Variants in SEPHS2 observed in about 807,000 individuals in gnomAD.
The protein encoded by SEPHS2 is selenophosphate synthetase 2, also known as selenide, water dikinase 2.
SEPHS2 carries 11 observed loss-of-function variants against 23.9 expected under a neutral mutation model. The observed-to-expected ratio is 0.46, with a 90% confidence interval of 0.29 to 0.76. The LOEUF (loss-of-function observed/expected upper bound fraction) is 0.76. Among genes scored for constraint, SEPHS2 ranks in the 30% least tolerant of loss-of-function variants. The pLI is 0.10. For synonymous variants in SEPHS2, 239 were observed against 247.5 expected (o/e 0.97, Z 0.32); for missense variants, 541 against 592.5 (o/e 0.91, Z 0.90).
In SEPHS2 at chr16:30,444,130, A is replaced by T; in HGVS notation, c.*251T>A. 2.8e-6 allele frequency: 1 copy of T among 356,138 alleles called. No individual in the cohort carries two copies. Among genetic ancestry groups the T allele is most frequent in the East Asian group, 4.3e-5 (1 of 23,094 alleles). The allele number at this position is 356,138 out of a possible 1,614,324, so 22.1% of individuals were successfully genotyped here. On this transcript the variant is annotated 3_prime_UTR_variant, in exon 1 of 1. Transcript: ENST00000478753. The surrounding 1 kb of genome is among the most constrained non-coding windows in gnomAD (Gnocchi z 4.0). ...AGCTTCATCTTACTTTGGCAAGAGA[A>T]AACAGAGGTATTTTTGCTCCTCTTC...
Position 30,444,742 on chromosome 16 carries a change from A to C in SEPHS2, c.986T>G (p.Leu329Arg). Residue 329 changes from leucine to arginine, a missense_variant, in exon 1 of 1, where the codon CTT (leucine) becomes CGT (arginine). Around this residue, in one of 3 missense-constraint regions of SEPHS2, gnomAD observed 224 missense variants for 237.4 expected, o/e 0.94. Transcript: ENST00000478753. The surrounding 1 kb of genome is among the most constrained non-coding windows in gnomAD (Gnocchi z 4.0). ...GFGILGHSQN[L>R]AKQQRNEVSF... Reference sequence around the variant, plus strand: ...CACTTCATTTCTTTGTTGTTTTGCAAGGTTCTGGGAGTGTCCTAGAATGCC... The same window carrying C: ...CACTTCATTTCTTTGTTGTTTTGCACGGTTCTGGGAGTGTCCTAGAATGCC... 4 of 1,601,020 alleles carry C rather than the reference A, an allele frequency of 2.5e-6. No individual in the cohort carries two copies. The highest frequency in any genetic ancestry group is 2.6e-6 in the Non-Finnish European group (3 of 1,171,888).
chr16:30,445,355 G>C lies in SEPHS2; in HGVS notation c.373C>G (p.Pro125Ala), dbSNP rs751905786. ...LGIGMDSCVI[P>A]LRHGGLSLVQ... is the part of the protein sequence containing the mutation. ...AGTGACAGGCCCCCGTGCCTCAGGG[G>C]GATGACGCAGGAGTCCATCCCGATG... The change falls in exon 1 of 1, where the codon CCC becomes GCC. Residue 125 changes from proline (P) to alanine (A), a missense_variant. Physicochemically the swap from Pro to Ala is conservative, Grantham distance 27. Coordinates refer to ENST00000478753, the MANE Select transcript of SEPHS2 (RefSeq NM_012248.4). 2 of 1,611,896 alleles carry C rather than the reference G, an allele frequency of 1.2e-6. No individual in the cohort carries two copies. Among genetic ancestry groups the C allele is most frequent in the Non-Finnish European group, 1.7e-6 (2 of 1,179,070 alleles).
In SEPHS2 at chr16:30,445,059, G is replaced by A. The variant is rs1484917153; in HGVS notation, c.669C>T (p.Ile223=). The change falls in exon 1 of 1, where the codon ATC becomes ATT. Residue 223 remains isoleucine (I), a synonymous_variant. Coordinates refer to ENST00000478753, the MANE Select transcript of SEPHS2 (RefSeq NM_012248.4). ...GGCATACTACAGTGGCAACTCCACCGATTATAATCCAAGGGTTGACCACCG... is the reference window on the plus strand; with the variant it reads ...GGCATACTACAGTGGCAACTCCACCAATTATAATCCAAGGGTTGACCACCG... The part of the protein sequence containing the change: ...GQTVVNPWII[I]GGVATVVCQP... 2.5e-6 allele frequency: 4 copies of A among 1,592,432 alleles called. No homozygotes were observed. Among genetic ancestry groups the A allele is most frequent in the East Asian group, 4.5e-5 (2 of 44,736 alleles).
Position 30,445,258 on chromosome 16 carries a change from T to C in SEPHS2, c.470A>G (p.Asn157Ser), listed in dbSNP as rs376948016. The C allele has an allele frequency of 1.3e-5, 21 of 1,614,114 alleles. No individual in the cohort carries two copies. The highest frequency in any genetic ancestry group is 8.9e-5 in the East Asian group (4 of 44,892). The change falls in exon 1 of 1, where the codon AAC becomes AGC. Residue 157 changes from asparagine (N) to serine (S), a missense_variant. Transcript: ENST00000478753. ...PYMMGRIACA[N>S]VLSDLYAMGI... The stretch of plus-strand genomic sequence containing the variant: ...CATGGCGTAGAGGTCACTCAGCACG[T>C]TGGCACAAGCTATGCGCCCCATCAT...
In SEPHS2 at chr16:30,445,377, G is replaced by A. The variant is rs753185531; in HGVS notation, c.351C>T (p.Ile117=). Residue 117 remains isoleucine, a synonymous_variant, in exon 1 of 1, where the codon ATC becomes ATT. Transcript: ENST00000478753. Reference sequence around the variant, plus strand: ...GGGGGATGACGCAGGAGTCCATCCCGATGCCCAGGGCTGGAAAGGTGGGGC... The same window carrying A: ...GGGGGATGACGCAGGAGTCCATCCCAATGCCCAGGGCTGGAAAGGTGGGGC... ...GPSPTFPALG[I]GMDSCVIPLR... 2.5e-6 allele frequency: 4 copies of A among 1,608,428 alleles called. 1 individual carries two copies. Among genetic ancestry groups the A allele is most frequent in the South Asian group, 2.2e-5 (2 of 90,560 alleles).
Position 30,445,314 on chromosome 16 carries a change from G to A in SEPHS2, c.414C>T (p.Asp138=), listed in dbSNP as rs1234191679. ...HGGLSLVQTT[D]FFYPLVEDPY... ...GATCTTCTACCAAGGGGTAAAAGAA[G>A]TCCGTGGTCTGCACCAGTGACAGGC... Residue 138 remains aspartate (D), a synonymous_variant, in exon 1 of 1, where the codon GAC becomes GAT. Transcript: ENST00000478753. 1.2e-6 allele frequency: 2 copies of A among 1,614,018 alleles called. No individual in the cohort carries two copies. The highest frequency in any genetic ancestry group is 1.3e-5 in the African/African-American group (1 of 74,946).
Position 30,444,121 on chromosome 16 carries a change from G to C in SEPHS2, c.*260C>G, listed in dbSNP as rs1399545827. On this transcript the variant is annotated 3_prime_UTR_variant, in exon 1 of 1. Coordinates refer to ENST00000478753, the MANE Select transcript of SEPHS2 (RefSeq NM_012248.4). This position sits in a 1 kb window ranked among gnomAD's most constrained non-coding sequence, Gnocchi z 4.0. ...ACCTGGAATAGCTTCATCTTACTTT[G>C]GCAAGAGAAAACAGAGGTATTTTTG... 1.2e-5 allele frequency: 4 copies of C among 335,422 alleles called. No individual in the cohort carries two copies. In the East Asian group the frequency reaches 1.4e-4, roughly 12 times the overall value. The allele number at this position is 335,422 out of a possible 1,614,324, so 20.8% of individuals were successfully genotyped here. A position where few individuals can be genotyped will look rare whatever the true frequency, so the allele number is the denominator to read the frequency against.
rs1334313848 is a variant in SEPHS2, at chr16:30,445,665, C to A, written c.63G>T (p.Ser21=). The A allele has an allele frequency of 2.6e-6, 4 of 1,535,588 alleles. No homozygotes were observed. The highest frequency in any genetic ancestry group is 3.5e-6 in the Non-Finnish European group (4 of 1,145,712). The change falls in exon 1 of 1, where the codon TCG becomes TCT. Residue 21 remains serine, a synonymous_variant. Coordinates refer to ENST00000478753, the MANE Select transcript of SEPHS2 (RefSeq NM_012248.4). Reference sequence around the variant, plus strand: ...GGCCCAGAGTCAAGCCCGCCGGGCCCGAGGAGCCTTCCGCCGCTGCCATCG... The same window carrying A: ...GGCCCAGAGTCAAGCCCGCCGGGCCAGAGGAGCCTTCCGCCGCTGCCATCG... ...GEAMAAAEGS[S]GPAGLTLGRS...
rs2050272673 is a variant in SEPHS2 at position 30,445,122 on chromosome 16, C to T, written c.606G>A (p.Ala202=). 6.8e-6 allele frequency: 11 copies of T among 1,606,412 alleles called. No individual in the cohort carries two copies. Among genetic ancestry groups the T allele is most frequent in the Non-Finnish European group, 8.5e-6 (10 of 1,174,858 alleles). The part of the protein sequence containing the change: ...TPLMVKGFRD[A]AEEGGTAVTG... Reference sequence around the variant, plus strand: ...TCACTGCCGTCCCTCCTTCCTCAGCCGCATCCCGAAAGCCTTTGACCATGA... The same window carrying T: ...TCACTGCCGTCCCTCCTTCCTCAGCTGCATCCCGAAAGCCTTTGACCATGA... The change falls in exon 1 of 1, where the codon GCG becomes GCA. Residue 202 remains alanine, a synonymous_variant. Coordinates refer to ENST00000478753, the MANE Select transcript of SEPHS2 (RefSeq NM_012248.4).
Position 30,444,822 on chromosome 16 carries a change from A to G in SEPHS2, c.906T>C (p.Ala302=), listed in dbSNP as rs778228412. The change falls in exon 1 of 1, where the codon GCT becomes GCC. Residue 302 remains alanine (A), a synonymous_variant. Transcript: ENST00000478753. This position sits in a 1 kb window ranked among gnomAD's most constrained non-coding sequence, Gnocchi z 4.0. The part of the protein sequence containing the change: ...MFNMATLNRT[A]AGLMHTFNAH... ...CATTAAATGTGTGCATTAAACCTGCAGCAGTTCTGTTGAGGGTAGCCATAT... is the reference window on the plus strand; with the variant it reads ...CATTAAATGTGTGCATTAAACCTGCGGCAGTTCTGTTGAGGGTAGCCATAT... The G allele has an allele frequency of 1.2e-6, 2 of 1,614,206 alleles. No individual in the cohort carries two copies. Among genetic ancestry groups the G allele is most frequent in the South Asian group, 1.1e-5 (1 of 91,080 alleles).
chr16:30,445,810 T>C lies in SEPHS2; in HGVS notation c.-83A>G. 1 of 1,442,196 alleles carries C rather than the reference T, an allele frequency of 6.9e-7. No homozygotes were observed. The highest frequency in any genetic ancestry group is 9.2e-7 in the Non-Finnish European group (1 of 1,089,428). The allele number at this position is 1,442,196 out of a possible 1,614,324, so 89.3% of individuals were successfully genotyped here. ...ATTAATATGAAGCAAAAGTCAAATA[T>C]TACCTGCAGGGATTCTCCCTAGCGC... On this transcript the variant is annotated 5_prime_UTR_variant, in exon 1 of 1. Coordinates refer to ENST00000478753, the MANE Select transcript of SEPHS2 (RefSeq NM_012248.4).
At position 30,445,845 on chromosome 16, in the gene SEPHS2, C is replaced by A. The variant is rs1380565908; in HGVS notation, c.-118G>T. On this transcript the variant is annotated 5_prime_UTR_variant, in exon 1 of 1. Coordinates refer to ENST00000478753, the MANE Select transcript of SEPHS2 (RefSeq NM_012248.4). ...GGATTCTCCCTAGCGCTACTCAAGCCGTCAGACCCACGGCATGCACAATCT... is the reference window on the plus strand; with the variant it reads ...GGATTCTCCCTAGCGCTACTCAAGCAGTCAGACCCACGGCATGCACAATCT... The A allele has an allele frequency of 1.5e-6, 2 of 1,316,844 alleles. No homozygotes were observed. Among genetic ancestry groups the A allele is most frequent in the African/African-American group, 1.6e-5 (1 of 63,814 alleles). The allele number at this position is 1,316,844 out of a possible 1,614,324, so 81.6% of individuals were successfully genotyped here.
chr16:30,443,812 G>A lies in SEPHS2; in HGVS notation c.*569C>T, dbSNP rs2050265653. The A allele has an allele frequency of 6.5e-6, 1 of 152,702 alleles. No homozygotes were observed. Among genetic ancestry groups the A allele is most frequent in the African/African-American group, 2.4e-5 (1 of 41,454 alleles). 9.5% of individuals were successfully genotyped at this position (152,702 alleles called of 1,614,324 possible). ...TAGAGGGAGAGACGTCATTAACAGA[G>A]ACCAAGTCAGATGGTTGCAGGTCCT... is the stretch of plus-strand genomic sequence containing the variant. On this transcript the variant is annotated 3_prime_UTR_variant, in exon 1 of 1. Coordinates refer to ENST00000478753, the MANE Select transcript of SEPHS2 (RefSeq NM_012248.4).
Position 30,444,497 on chromosome 16 carries a change from T to C in SEPHS2, c.1231A>G (p.Asn411Asp). 1 of 1,610,846 alleles carries C rather than the reference T, an allele frequency of 6.2e-7. No individual in the cohort carries two copies. The highest frequency in any genetic ancestry group is 8.5e-7 in the Non-Finnish European group (1 of 1,177,316). ...AWIVGIVEKGNRTARIIDKPR... is the reference protein window; with the variant it reads ...AWIVGIVEKGDRTARIIDKPR... ...TTGTCAATGATCCGGGCCGTTCGGT[T>C]TCCCTTTTCCACAATGCCAACGATC... The change falls in exon 1 of 1, where the codon AAC becomes GAC. Residue 411 changes from asparagine to aspartate, a missense_variant. Coordinates refer to ENST00000478753, the MANE Select transcript of SEPHS2 (RefSeq NM_012248.4). The surrounding 1 kb of genome is among the most constrained non-coding windows in gnomAD (Gnocchi z 4.0).
In SEPHS2 at chr16:30,445,049, CA is replaced by C; in HGVS notation, c.678del (p.Ala227ProfsTer?). Reference protein sequence around the residue: ...VVNPWIIIGGVATVVCQPNEF... With the variant: ...VVNPWIIIGGXATVVCQPNEF... ...TCATTTGGTTGGCATACTACAGTGG[CA>C]ACTCCACCGATTATAATCCAAGGGT... On this transcript the variant is annotated frameshift_variant, in exon 1 of 1. Coordinates refer to ENST00000478753, the MANE Select transcript of SEPHS2 (RefSeq NM_012248.4). LOFTEE classifies it high-confidence loss of function. The C allele has an allele frequency of 1.3e-6, 2 of 1,594,394 alleles. No homozygotes were observed. Among genetic ancestry groups the C allele is most frequent in the East Asian group, 4.5e-5 (2 of 44,760 alleles).
chr16:30,444,632 T>C lies in SEPHS2; in HGVS notation c.1096A>G (p.Thr366Ala), dbSNP rs1345634188. Residue 366 changes from threonine (T) to alanine (A), a missense_variant, in exon 1 of 1, where the codon ACC becomes GCC. By Grantham distance (58) the Thr-to-Ala change is moderately conservative. This residue lies in a region of SEPHS2 where 224 missense variants were observed against 237.4 expected (regional missense o/e 0.94). Coordinates refer to ENST00000478753, the MANE Select transcript of SEPHS2 (RefSeq NM_012248.4). This position sits in a 1 kb window ranked among gnomAD's most constrained non-coding sequence, Gnocchi z 4.0. ...AATCCCCCAGAGGTTTCAGCTGAGG[T>C]TCCTTGAAGAAGCCCAAACCGTCCA... is the stretch of plus-strand genomic sequence containing the variant. ...ASGRFGLLQG[T>A]SAETSGGLLI... is the part of the protein sequence containing the mutation. 1 of 1,613,990 alleles carries C rather than the reference T, an allele frequency of 6.2e-7. No individual in the cohort carries two copies. The highest frequency in any genetic ancestry group is 8.5e-7 in the Non-Finnish European group (1 of 1,179,910).
chr16:30,445,653 G>T lies in SEPHS2; in HGVS notation c.75C>A (p.Gly25=). Residue 25 remains glycine (G), a synonymous_variant, in exon 1 of 1, where the codon GGC becomes GGA. Coordinates refer to ENST00000478753, the MANE Select transcript of SEPHS2 (RefSeq NM_012248.4). The part of the protein sequence containing the change: ...AAAEGSSGPA[G]LTLGRSFSNY... ...TCGAGAAGCTCCGGCCCAGAGTCAAGCCCGCCGGGCCCGAGGAGCCTTCCG... is the reference window on the plus strand; with the variant it reads ...TCGAGAAGCTCCGGCCCAGAGTCAATCCCGCCGGGCCCGAGGAGCCTTCCG... The T allele has an allele frequency of 6.5e-7, 1 of 1,534,418 alleles. No individual in the cohort carries two copies. The highest frequency in any genetic ancestry group is 1.4e-5 in the African/African-American group (1 of 72,814).
Position 30,445,774 on chromosome 16 carries a change from T to C in SEPHS2, c.-47A>G, listed in dbSNP as rs896224485. On this transcript the variant is annotated 5_prime_UTR_variant, in exon 1 of 1. Coordinates refer to ENST00000478753, the MANE Select transcript of SEPHS2 (RefSeq NM_012248.4). Reference sequence around the variant, plus strand: ...CGAGAGGAGAAGAGGGCCCTTTTATTTTCCACTCAGATTAATATGAAGCAA... The same window carrying C: ...CGAGAGGAGAAGAGGGCCCTTTTATCTTCCACTCAGATTAATATGAAGCAA... 1.6e-5 allele frequency: 24 copies of C among 1,512,790 alleles called. No individual in the cohort carries two copies. The highest frequency in any genetic ancestry group is 2.0e-5 in the Non-Finnish European group (23 of 1,132,278). 93.7% of individuals were successfully genotyped at this position (1,512,790 alleles called of 1,614,324 possible).
rs754532471 is a variant in SEPHS2 at position 30,444,814 on chromosome 16, A to C, written c.914T>G (p.Leu305Ter). The change falls in exon 1 of 1, where the codon TTA (leucine) becomes TGA (stop). Residue 305 changes from leucine (L) to a stop codon, truncating the protein, a stop_gained. Transcript: ENST00000478753. LOFTEE classifies it high-confidence loss of function. This position sits in a 1 kb window ranked among gnomAD's most constrained non-coding sequence, Gnocchi z 4.0. Reference sequence around the variant, plus strand: ...CGCATGGGCATTAAATGTGTGCATTAAACCTGCAGCAGTTCTGTTGAGGGT... The same window carrying C: ...CGCATGGGCATTAAATGTGTGCATTCAACCTGCAGCAGTTCTGTTGAGGGT... ...MATLNRTAAG[L>*]MHTFNAHAAT... 6.2e-7 allele frequency: 1 copy of C among 1,614,194 alleles called. No homozygotes were observed. Among genetic ancestry groups the C allele is most frequent in the Non-Finnish European group, 8.5e-7 (1 of 1,180,022 alleles).
Sources: gnomAD v4.1 joint callset for allele counts on GRCh38, gnomAD v4.1.1 for gene constraint, gnomAD v4.1.1 regional missense constraint, Gnocchi (gnomAD v3.1) non-coding constraint, MANE v1.5 for transcripts, NCBI Gene and HGNC (gene_info 2026-07-23, HGNC 2026-07-21) for gene names.